The following MAGI2 variants were observed in gnomAD, a reference collection of about 807,000 sequenced individuals.
MAGI2 encodes the protein membrane associated guanylate kinase, WW and PDZ domain containing 2, also known as membrane-associated guanylate kinase, WW and PDZ domain-containing protein 2.
In MAGI2, 35 loss-of-function variants were observed where a neutral mutation model predicts 133.3. The observed-to-expected ratio is 0.26, with a 90% CI of 0.20 to 0.35. MAGI2 has a LOEUF of 0.35. Ranked by LOEUF, MAGI2 falls within the 10% of genes least tolerant of loss-of-function variation. The pLI, the probability that MAGI2 is intolerant of heterozygous loss-of-function variation, is 1.00. For missense variants in MAGI2, 1,636 were observed against 1,863.4 expected (o/e 0.88, Z 2.25); for synonymous variants, 729 against 710.6 (o/e 1.03, Z -0.41).
intron 1 of MAGI2, among the ~76,000 whole-genome samples, chr7:79,232,293 T>C (rs1831441948): frequency 6.8e-6 from 1 of 147,926 alleles, no homozygotes; most frequent in Non-Finnish European, 1.5e-5. Context: ...GGTATCAGAA[T>C]GATGCTGGCC....
At chr7:78,177,265 A>G (rs1402044774) in intron 14 of MAGI2, among the ~76,000 whole-genome samples, 1 of 152,162 alleles carries the variant, frequency 6.6e-6, no homozygotes, top group African/African-American at 2.4e-5. Context: ...ACTTTCGTGG[A>G]CCTAACTTAG....
intron 10 of MAGI2, among the ~76,000 whole-genome samples, chr7:78,219,133 A>C (rs1443467247): frequency 6.6e-6 from 1 of 152,070 alleles, no homozygotes; most frequent in Non-Finnish European, 1.5e-5. Flanking sequence ...TAATGAGATA[A>C]GGGTTCACTC....
chr7:78,305,940 T>G (rs988210473), intron 9 of MAGI2, among the ~76,000 whole-genome samples: 1 of 152,206 alleles, frequency 6.6e-6, no homozygotes, highest in South Asian at 2.1e-4. Flanking sequence ...TAATTTTTGC[T>G]GAACACCCTT....
chr7:79,201,456 A>G (rs941861883), intron 1 of MAGI2, among the ~76,000 whole-genome samples: 4 of 151,976 alleles, frequency 2.6e-5, no homozygotes, highest in African/African-American at 4.8e-5. Context: ...TTCAATATCA[A>G]TCTTTCTTTG....
chr7:79,335,326 C>T (rs1024014760), intron 1 of MAGI2, among the ~76,000 whole-genome samples: 4 of 151,966 alleles, frequency 2.6e-5, no homozygotes, highest in Admixed American at 2.6e-4. Context: ...CATCAGTGAC[C>T]ATGGTTTATG....
At chr7:78,044,019 G>T (rs761520285) in intron 21 of MAGI2, among the ~76,000 whole-genome samples, 2 of 151,822 alleles carry the variant, frequency 1.3e-5, no homozygotes, top group Non-Finnish European at 2.9e-5. Context: ...ATTTTCCCAG[G>T]GTAGCATGAT....
At chr7:78,790,547 C>A (rs1827166280) in intron 2 of MAGI2, among the ~76,000 whole-genome samples, 1 of 152,044 alleles carries the variant, frequency 6.6e-6, no homozygotes, top group African/African-American at 2.4e-5. Context: ...GATTCTCATG[C>A]CTCAGCCTCT....
At chr7:79,400,359 C>G (rs17152426) in intron 1 of MAGI2, among the ~76,000 whole-genome samples, 1,829 of 152,118 alleles carry the variant, frequency 0.012, 67 homozygotes, top group Admixed American at 0.073. Flanking sequence ...ATCAATTATG[C>G]TTTGAAGAGT....
intron 1 of MAGI2, among the ~76,000 whole-genome samples, chr7:79,094,547 A>G (rs574200427): frequency 6.6e-6 from 1 of 152,330 alleles, no homozygotes; most frequent in Non-Finnish European, 1.5e-5. Flanking sequence ...AAGGTTTTCA[A>G]TTTACTTTGC....
At chr7:79,325,978 A>G (rs556716003) in intron 1 of MAGI2, among the ~76,000 whole-genome samples, 9 of 152,236 alleles carry the variant, frequency 5.9e-5, no homozygotes, top group African/African-American at 2.2e-4. Flanking sequence ...TGAACATTTG[A>G]CCATCTCCCC....
intron 2 of MAGI2, among the ~76,000 whole-genome samples, chr7:78,844,039 A>T (rs1792374854): frequency 6.7e-6 from 1 of 149,394 alleles, no homozygotes; most frequent in Admixed American, 6.7e-5. Context: ...ATCTGAAAGG[A>T]AATCTACACA....
chr7:79,353,671 A>G, intron 1 of MAGI2: 1 of 341,744 alleles, frequency 2.9e-6, no homozygotes, highest in Non-Finnish European at 5.8e-6. Context: ...CACACTGGGC[A>G]TTGGACTCTT....
intron 20 of MAGI2, among the ~76,000 whole-genome samples, chr7:78,114,555 C>T (rs1819671107): frequency 6.6e-6 from 1 of 152,214 alleles, no homozygotes; most frequent in Non-Finnish European, 1.5e-5. Flanking sequence ...GCAAAGCCTC[C>T]AGCCAGGCAG....
intron 1 of MAGI2, among the ~76,000 whole-genome samples, chr7:79,309,208 G>A (rs1040422116): frequency 6.6e-6 from 1 of 151,844 alleles, no homozygotes; most frequent in African/African-American, 2.4e-5. Flanking sequence ...GTCTCAATAT[G>A]TGTGATATAA....
chr7:78,489,360 G>T (rs1179788563), intron 6 of MAGI2, among the ~76,000 whole-genome samples: 1 of 152,036 alleles, frequency 6.6e-6, no homozygotes, highest in African/African-American at 2.4e-5. Context: ...ATAACTGCTA[G>T]AATGCTAAGC....
chr7:79,012,474 C>A (rs1244537107), intron 1 of MAGI2, among the ~76,000 whole-genome samples: 1 of 152,032 alleles, frequency 6.6e-6, no homozygotes, highest in Non-Finnish European at 1.5e-5. Flanking sequence ...TTTATATTTT[C>A]TATTATGTTA....
rs192946832 is a variant in MAGI2 at position 78,452,416 on chromosome 7, A to G, written c.1045+37345T>C. Among the ~76,000 whole-genome samples the G allele has an allele frequency of 1.4e-4, 21 of 152,206 alleles. No individual in the cohort carries two copies. In the East Asian group the frequency reaches 3.9e-3, roughly 28 times the overall value. ...ACAGTATGAAGACAGGCTATTATTAATAGCACTAAAATTATGCTTATGATT... is the reference window on the plus strand; with the variant it reads ...ACAGTATGAAGACAGGCTATTATTAGTAGCACTAAAATTATGCTTATGATT... On this transcript the variant is annotated intron_variant, in intron 6 of 21. Coordinates refer to ENST00000354212, the MANE Select transcript of MAGI2 (RefSeq NM_012301.4).
intron 6 of MAGI2, among the ~76,000 whole-genome samples, chr7:78,479,077 A>T (rs1308333202): frequency 2.6e-5 from 4 of 151,874 alleles, no homozygotes; most frequent in Non-Finnish European, 5.9e-5. Flanking sequence ...ATGTCAGTGA[A>T]CCCCTGACAT....
intron 1 of MAGI2, among the ~76,000 whole-genome samples, chr7:79,365,407 A>G (rs910987118): frequency 2.7e-5 from 3 of 109,454 alleles, no homozygotes; most frequent in African/African-American, 1.5e-4. Context: ...TTATGTTCAC[A>G]CAAAAAAACT....
Sources: gnomAD v4.1 joint callset for allele counts (sites outside exome capture counted in the v4.1 genomes callset) on GRCh38, gnomAD v4.1.1 for gene constraint, MANE v1.5 for transcripts, NCBI Gene and HGNC (gene_info 2026-07-23, HGNC 2026-07-21) for gene names.